HRH1: variants seen among roughly 807,000 people sequenced by gnomAD.
HRH1 encodes histamine receptor H1.
A neutral mutation model predicts 10.3 loss-of-function variants in HRH1; 6 were observed. The ratio of observed to expected loss-of-function variants is 0.58; its 90% confidence interval spans 0.32 to 1.15. The LOEUF (loss-of-function observed/expected upper bound fraction) is 1.15, where lower values mean the gene tolerates loss of function less well. Among genes scored for constraint, HRH1 ranks in the 50% most tolerant of loss-of-function variants. The probability of loss-of-function intolerance (pLI) is 0.05; values close to 1 mark genes in which losing one functional copy is unlikely to be tolerated. For synonymous variants in HRH1, 242 were observed against 236.7 expected (o/e 1.02, Z -0.21); for missense variants, 514 against 615.3 (o/e 0.84, Z 1.74).
In HRH1 at chr3:11,242,509, A is replaced by AAAAAAAAAAAAAAAAAAAT. The variant is rs1559283215; in HGVS notation, c.-35-16494_-35-16493insAAAAAAAAAAAAAAAAAAT. On this transcript the variant is annotated intron_variant, in intron 1 of 1. Coordinates refer to ENST00000431010, the MANE Select transcript of HRH1 (RefSeq NM_001098212.2). ...AAAAAAAAAAAAAAAAAAAAAAAAA[A>AAAAAAAAAAAAAAAAAAAT]GCTGTAACACTCACTGCAAAGGTCT... 9.9e-5 allele frequency among the ~76,000 whole-genome samples: 12 copies of AAAAAAAAAAAAAAAAAAAT among 120,808 alleles called. 2 individuals carry two copies. Among genetic ancestry groups the AAAAAAAAAAAAAAAAAAAT allele is most frequent in the African/African-American group, 4.0e-4 (12 of 30,218 alleles). The allele number at this position is 120,808 out of a possible 152,430, so 79.3% of individuals were successfully genotyped here.
At chr3:11,243,096 T>G (rs1410720733) in intron 1 of HRH1, among the ~76,000 whole-genome samples, 1 of 152,180 alleles carries the variant, frequency 6.6e-6, no homozygotes, top group Non-Finnish European at 1.5e-5. Context: ...GTATTTTTAG[T>G]GGAGACGGGG....
chr3:11,151,087 T>A (rs922247673), upstream of HRH1, among the ~76,000 whole-genome samples: 1 of 152,232 alleles, frequency 6.6e-6, no homozygotes, highest in Admixed American at 6.5e-5. Context: ...TGACTTCAGA[T>A]ACAGGCATGT....
chr3:11,166,844 C>T (rs56080160), intron 1 of HRH1, among the ~76,000 whole-genome samples: 21,888 of 118,208 alleles, frequency 0.19, 3,767 homozygotes, highest in African/African-American at 0.46. Flanking sequence ...TCCCCTGGCT[C>T]CTCCAGACCC....
chr3:11,242,509 A>AAAAAAAAAT (rs1559283215), intron 1 of HRH1, among the ~76,000 whole-genome samples: 15 of 120,766 alleles, frequency 1.2e-4, no homozygotes, highest in African/African-American at 4.0e-4. Context: ...AAAAAAAAAA[A>AAAAAAAAAT]GCTGTAACAC....
At chr3:11,139,855 T>C (rs1210037128) in intron 1 of HRH1, among the ~76,000 whole-genome samples, 1 of 151,996 alleles carries the variant, frequency 6.6e-6, no homozygotes, top group Admixed American at 6.6e-5. Context: ...AGTTATGGAG[T>C]TGTTTTTTGG....
At chr3:11,204,264 C>G (rs1938036926) in intron 1 of HRH1, among the ~76,000 whole-genome samples, 1 of 152,254 alleles carries the variant, frequency 6.6e-6, no homozygotes, top group East Asian at 1.9e-4. Flanking sequence ...GTTCTCTGCA[C>G]TCATGGAGCT....
intron 1 of HRH1, among the ~76,000 whole-genome samples, chr3:11,198,230 C>G (rs1011256298): frequency 2.6e-5 from 4 of 152,126 alleles, no homozygotes; most frequent in African/African-American, 7.2e-5. Flanking sequence ...CCGAGGAGTT[C>G]AGGCCCACGG....
chr3:11,212,822 G>A (rs1420257284), intron 1 of HRH1, among the ~76,000 whole-genome samples: 2 of 148,350 alleles, frequency 1.3e-5, no homozygotes, highest in Non-Finnish European at 3.0e-5. Context: ...CCATGACCAC[G>A]AGGCCCTCCG....
At chr3:11,210,349 C>A (rs1206795229) in intron 1 of HRH1, among the ~76,000 whole-genome samples, 4 of 151,748 alleles carry the variant, frequency 2.6e-5, no homozygotes, top group African/African-American at 9.7e-5. Context: ...AACTATTGAA[C>A]GTGCCAGTGT....
chr3:11,234,192 C>G (rs1322211439), intron 1 of HRH1: 15 of 1,020,080 alleles, frequency 1.5e-5, no homozygotes, highest in Non-Finnish European at 2.0e-5. Context: ...AAGGTGACAA[C>G]AAGGTCTTTT....
chr3:11,215,987 G>A (rs1322051758), intron 1 of HRH1, among the ~76,000 whole-genome samples: 4 of 151,856 alleles, frequency 2.6e-5, no homozygotes, highest in South Asian at 2.1e-4. Flanking sequence ...AAATGGCTAC[G>A]TGGGATTCCA....
chr3:11,197,065 T>C (rs347621), intron 1 of HRH1, among the ~76,000 whole-genome samples: 130,574 of 149,584 alleles, frequency 0.87, 57,371 homozygotes, highest in East Asian at 1. Flanking sequence ...GCGGAGCTTG[T>C]AGTGAGCTGA....
At chr3:11,144,215 A>T (rs1936355089) in intron 1 of HRH1, among the ~76,000 whole-genome samples, 1 of 151,982 alleles carries the variant, frequency 6.6e-6, no homozygotes, top group Non-Finnish European at 1.5e-5. Flanking sequence ...TACTCAGAGG[A>T]AAATAAATTG....
Position 11,260,530 on chromosome 3 carries a change from G to C in HRH1, c.*29G>C. 1 of 1,535,388 alleles carries C rather than the reference G, an allele frequency of 6.5e-7. No homozygotes were observed. The highest frequency in any genetic ancestry group is 8.8e-7 in the Non-Finnish European group (1 of 1,140,344). On this transcript the variant is annotated 3_prime_UTR_variant, in exon 2 of 2. Transcript: ENST00000431010. ...AGGCTCTGAGGGGATGCAACAAAAT[G>C]ATCCTTATGATGTCCAACAAGGAAA...
At chr3:11,232,604 G>A (rs1187522438) in intron 1 of HRH1, among the ~76,000 whole-genome samples, 2 of 152,110 alleles carry the variant, frequency 1.3e-5, no homozygotes, top group Non-Finnish European at 2.9e-5. Context: ...AAAATTATTT[G>A]AGTTATTCTA....
chr3:11,219,306 G>A (rs531157307), intron 1 of HRH1, among the ~76,000 whole-genome samples: 44 of 152,342 alleles, frequency 2.9e-4, no homozygotes, highest in Admixed American at 2.7e-3. Flanking sequence ...TCTGGAGATG[G>A]ATGGTGGCGA....
intron 1 of HRH1, among the ~76,000 whole-genome samples, chr3:11,158,313 T>C (rs1936857432): frequency 6.6e-6 from 1 of 152,252 alleles, no homozygotes; most frequent in African/African-American, 2.4e-5. Flanking sequence ...CTCCTGTATT[T>C]ATACAGCACT....
chr3:11,197,344 G>A lies in HRH1; in HGVS notation c.-36+42790G>A, dbSNP rs989998563. ...CTCCTGGGCTGTGAGCTTCCTGAGG[G>A]CTGGCACCCTGGATGTTTTGCCCAA... On this transcript the variant is annotated intron_variant, in intron 1 of 1. Coordinates refer to ENST00000431010, the MANE Select transcript of HRH1 (RefSeq NM_001098212.2). Among the ~76,000 whole-genome samples, 7 of 152,158 alleles carry A rather than the reference G, an allele frequency of 4.6e-5. No individual in the cohort carries two copies. The East Asian group carries it at 5.8e-4, about 13-fold the overall frequency.
At chr3:11,213,313 A>C (rs1301141851) in intron 1 of HRH1, among the ~76,000 whole-genome samples, 1 of 152,214 alleles carries the variant, frequency 6.6e-6, no homozygotes, top group Non-Finnish European at 1.5e-5. Flanking sequence ...TCATTAATGA[A>C]TGAATGCCTG....
Sources: allele counts gnomAD v4.1 joint callset (sites outside exome capture counted in the v4.1 genomes callset), GRCh38; gene constraint gnomAD v4.1.1; transcripts MANE v1.5; gene names NCBI Gene and HGNC (gene_info 2026-07-23, HGNC 2026-07-21).